STK32C: variants seen among roughly 807,000 people sequenced by gnomAD.
STK32C encodes serine/threonine-protein kinase 32C.
A neutral mutation model predicts 56.5 loss-of-function variants in STK32C; 31 were observed. The observed-to-expected ratio is 0.55, with a 90% confidence interval of 0.41 to 0.74. The LOEUF is 0.74. Among genes scored for constraint, STK32C ranks in the 30% least tolerant of loss-of-function variants. The pLI is 0.00. For synonymous variants in STK32C, 309 were observed against 289.4 expected (o/e 1.07, Z -0.69); for missense variants, 544 against 676.9 (o/e 0.80, Z 2.18).
Position 132,224,416 on chromosome 10 carries a change from C to A in STK32C, c.984G>T (p.Leu328Phe). 1 of 1,551,970 alleles carries A rather than the reference C, an allele frequency of 6.4e-7. No individual in the cohort carries two copies. Among genetic ancestry groups the A allele is most frequent in the Non-Finnish European group, 8.7e-7 (1 of 1,147,484 alleles). ...AGGGATGGGGGCTCACCTTCCGCAG[C>A]AAGGCCACCATCTCCTTGGACCACG... is the stretch of plus-strand genomic sequence containing the variant. ...VPTWSKEMVA[L>F]LRKLLTVNPE... Residue 328 changes from leucine to phenylalanine, a missense_variant, in exon 8 of 12, where the codon TTG becomes TTT. Leu to Phe is a conservative substitution (Grantham distance 22). Around this residue, in one of 3 missense-constraint regions of STK32C, gnomAD observed 277 missense variants for 309.3 expected, o/e 0.90. Coordinates refer to ENST00000298630, the MANE Select transcript of STK32C (RefSeq NM_173575.4).
At chr10:132,289,462 A>G (rs1279809035) in intron 1 of STK32C, among the ~76,000 whole-genome samples, 1 of 152,204 alleles carries the variant, frequency 6.6e-6, no homozygotes, top group Admixed American at 6.5e-5. Context: ...TAAAACACAC[A>G]CATAAATGGG....
chr10:132,224,152 G>A (rs531040149), intron 8 of STK32C, among the ~76,000 whole-genome samples: 32 of 152,214 alleles, frequency 2.1e-4, no homozygotes, highest in African/African-American at 6.5e-4. Flanking sequence ...GCCTGGAGAC[G>A]CAGCTCAGGG....
rs545353189 is a variant in STK32C at position 132,220,810 on chromosome 10, T to G, written c.1251+1831A>C. Among the ~76,000 whole-genome samples the G allele has an allele frequency of 3.9e-5, 6 of 152,296 alleles. No homozygotes were observed. The East Asian group carries it at 1.2e-3, about 29-fold the overall frequency. ...GCACCTGACAAGGCCACGACCTCAA[T>G]GTTAGCTCACATTCTGGTGAGACCC... On this transcript the variant is annotated intron_variant, in intron 10 of 11. Transcript: ENST00000298630.
At chr10:132,315,055 A>C (rs1590493150) in intron 1 of STK32C, among the ~76,000 whole-genome samples, 1 of 152,118 alleles carries the variant, frequency 6.6e-6, no homozygotes, top group East Asian at 1.9e-4. Context: ...AATCATTCGA[A>C]CCTAAGAGGC....
chr10:132,237,727 C>T (rs1355883895), intron 2 of STK32C, among the ~76,000 whole-genome samples: 2 of 152,178 alleles, frequency 1.3e-5, no homozygotes, highest in East Asian at 1.9e-4. Context: ...TGTGTGCCGG[C>T]GGGGCTGGCC....
intron 1 of STK32C, among the ~76,000 whole-genome samples, chr10:132,298,269 G>A (rs1169354563): frequency 6.6e-6 from 1 of 152,248 alleles, no homozygotes; most frequent in Non-Finnish European, 1.5e-5. Flanking sequence ...GCAGAAAGCA[G>A]TCAAAGTGAC....
intron 1 of STK32C, among the ~76,000 whole-genome samples, chr10:132,288,766 A>G (rs1170197440): frequency 6.6e-6 from 1 of 152,254 alleles, no homozygotes; most frequent in African/African-American, 2.4e-5. Flanking sequence ...CAAGACTTGT[A>G]TACTGAAAAT....
At chr10:132,282,756 C>G (rs1352136199) in intron 1 of STK32C, among the ~76,000 whole-genome samples, 1 of 152,270 alleles carries the variant, frequency 6.6e-6, no homozygotes, top group African/African-American at 2.4e-5. Context: ...ACCAGTTAAA[C>G]ATCTTAGCCA....
chr10:132,263,854 A>C (rs1327328101), intron 1 of STK32C, among the ~76,000 whole-genome samples: 1 of 142,100 alleles, frequency 7.0e-6, no homozygotes, highest in African/African-American at 2.6e-5. Flanking sequence ...TGACAGAACG[A>C]GACTCCATCT....
chr10:132,273,069 G>A (rs115008932), intron 1 of STK32C, among the ~76,000 whole-genome samples: 3,074 of 152,270 alleles, frequency 0.02, 118 homozygotes, highest in African/African-American at 0.07. Context: ...AATGAAGACT[G>A]CAATTGCCCA....
intron 1 of STK32C, among the ~76,000 whole-genome samples, chr10:132,271,240 G>A (rs1268189969): frequency 6.6e-6 from 1 of 152,142 alleles, no homozygotes; most frequent in Non-Finnish European, 1.5e-5. Flanking sequence ...CTTCCAGCCA[G>A]CTTCGGCCTC....
chr10:132,249,084 G>A (rs957517106), intron 1 of STK32C: 15 of 478,892 alleles, frequency 3.1e-5, no homozygotes, highest in Admixed American at 2.1e-4. Flanking sequence ...GAGGCTCCCA[G>A]CTGGGAGGCA....
At chr10:132,219,395 G>A (rs1158190604) in intron 10 of STK32C, among the ~76,000 whole-genome samples, 1 of 152,030 alleles carries the variant, frequency 6.6e-6, no homozygotes, top group Non-Finnish European at 1.5e-5. Flanking sequence ...GGCCTTACCT[G>A]TTCCCAGCCA....
rs2062203107 is a variant in STK32C, at chr10:132,209,053, CG to C, written c.1299del (p.Phe433LeufsTer2). On this transcript the variant is annotated frameshift_variant, in exon 11 of 12. Coordinates refer to ENST00000298630, the MANE Select transcript of STK32C (RefSeq NM_173575.4). LOFTEE classifies it low-confidence loss of function (END_TRUNC). ...ACTCACTTTTCTCTGTTAAAAATCA[CG>C]AAGTCTTGCTGGATGGCATCGAGGC... ...QDCLDAIQQD[F>X]VIFNREKLKR... 1 of 1,604,794 alleles carries C rather than the reference CG, an allele frequency of 6.2e-7. No individual in the cohort carries two copies. Among genetic ancestry groups the C allele is most frequent in the Admixed American group, 1.7e-5 (1 of 59,806 alleles).
At chr10:132,278,499 C>T (rs1158666534) in intron 1 of STK32C, among the ~76,000 whole-genome samples, 1 of 152,162 alleles carries the variant, frequency 6.6e-6, no homozygotes, top group Non-Finnish European at 1.5e-5. Context: ...CGGTGGCTCA[C>T]GCCTGTAATC....
downstream of STK32C, chr10:132,323,913 A>G (rs1395542719): frequency 2.5e-5 from 6 of 238,096 alleles, no homozygotes; most frequent in Non-Finnish European, 8.2e-6. This position sits in a 1 kb window ranked among gnomAD's most constrained non-coding sequence, Gnocchi z 4.8. Flanking sequence ...ACAAAACATG[A>G]GGGGTGGCCT....
At chr10:132,230,278 C>T (rs768590715) in intron 2 of STK32C, among the ~76,000 whole-genome samples, 1 of 152,230 alleles carries the variant, frequency 6.6e-6, no homozygotes, top group African/African-American at 2.4e-5. Flanking sequence ...CCTGGCTGCC[C>T]CTGGCAGGAC....
chr10:132,243,569 C>T (rs1256411343), intron 2 of STK32C, among the ~76,000 whole-genome samples: 2 of 152,194 alleles, frequency 1.3e-5, no homozygotes, highest in African/African-American at 4.8e-5. Flanking sequence ...CGGACAGAAC[C>T]GGGGGCACCA....
intron 1 of STK32C, among the ~76,000 whole-genome samples, chr10:132,277,128 G>A (rs928833331): frequency 2.0e-5 from 3 of 152,260 alleles, no homozygotes; most frequent in Non-Finnish European, 2.9e-5. Flanking sequence ...AGAGTCAGAA[G>A]AGCCGAGCAG....
Sources: gnomAD v4.1 joint callset for allele counts (sites outside exome capture counted in the v4.1 genomes callset) on GRCh38, gnomAD v4.1.1 for gene constraint, gnomAD v4.1.1 regional missense constraint, Gnocchi (gnomAD v3.1) non-coding constraint, MANE v1.5 for transcripts, NCBI Gene and HGNC (gene_info 2026-07-23, HGNC 2026-07-21) for gene names.